FHIT: variants seen among roughly 807,000 people sequenced by gnomAD.
The protein encoded by FHIT is bis(5'-adenosyl)-triphosphatase.
A neutral mutation model predicts 17.9 loss-of-function variants in FHIT; 19 were observed. That is an observed-to-expected ratio of 1.06 (90% CI 0.74 to 1.56). FHIT has a LOEUF of 1.56. Ranked by LOEUF, FHIT falls within the 40% of genes most tolerant of loss-of-function variation. FHIT has a pLI of 0.00. For missense variants in FHIT, 248 were observed against 189.2 expected (o/e 1.31, Z -1.82); for synonymous variants, 81 against 69.7 (o/e 1.16, Z -0.81).
At chr3:60,478,098 A>G (rs1316877323) in intron 5 of FHIT, among the ~76,000 whole-genome samples, 1 of 152,238 alleles carries the variant, frequency 6.6e-6, no homozygotes, top group African/African-American at 2.4e-5. Context: ...CAGCATTGAC[A>G]TACTGATTGC....
intron 3 of FHIT, among the ~76,000 whole-genome samples, chr3:60,941,055 A>G (rs1553774403): frequency 6.6e-6 from 1 of 152,192 alleles, no homozygotes; most frequent in Non-Finnish European, 1.5e-5. Context: ...TAGATCCACA[A>G]CCTTATTTCA....
chr3:59,886,484 T>G (rs1007511462), intron 8 of FHIT, among the ~76,000 whole-genome samples: 1 of 152,216 alleles, frequency 6.6e-6, no homozygotes, highest in African/African-American at 2.4e-5. Context: ...AAGCCTGGTA[T>G]TGGCCTTGGC....
chr3:60,005,696 G>C (rs1575864561), intron 7 of FHIT, among the ~76,000 whole-genome samples: 1 of 152,130 alleles, frequency 6.6e-6, no homozygotes, highest in South Asian at 2.1e-4. Flanking sequence ...CTTCATGCAG[G>C]AAATACATGC....
At chr3:59,929,350 T>C (rs1194092911) in intron 7 of FHIT, among the ~76,000 whole-genome samples, 1 of 148,098 alleles carries the variant, frequency 6.8e-6, no homozygotes, top group African/African-American at 2.5e-5. Context: ...AATCTTCACG[T>C]ATTGTTTTTT....
At chr3:59,917,014 G>C (rs1427534734) in intron 8 of FHIT, among the ~76,000 whole-genome samples, 1 of 152,168 alleles carries the variant, frequency 6.6e-6, no homozygotes, top group Non-Finnish European at 1.5e-5. Context: ...AAGTCAACTA[G>C]GGACCCATGG....
chr3:60,017,123 T>C (rs897321233), intron 5 of FHIT, among the ~76,000 whole-genome samples: 5 of 152,220 alleles, frequency 3.3e-5, no homozygotes, highest in African/African-American at 1.2e-4. Context: ...CATTTTTGCC[T>C]AGCCTCTTAT....
intron 4 of FHIT, among the ~76,000 whole-genome samples, chr3:60,633,021 TAAG>T (rs1317819326): frequency 1.3e-5 from 2 of 152,198 alleles, no homozygotes; most frequent in Non-Finnish European, 2.9e-5. Context: ...TGGGAGAGTG[TAAG>T]AAGAACCATG....
At chr3:59,986,440 T>C (rs1263773318) in intron 7 of FHIT, among the ~76,000 whole-genome samples, 1 of 145,404 alleles carries the variant, frequency 6.9e-6, no homozygotes, top group African/African-American at 2.6e-5. Context: ...CACCCAGAAG[T>C]CTGTGATTGG....
chr3:60,113,059 T>C (rs1465711679), intron 5 of FHIT, among the ~76,000 whole-genome samples: 1 of 152,182 alleles, frequency 6.6e-6, no homozygotes, highest in Non-Finnish European at 1.5e-5. Context: ...TTCCTGACCA[T>C]CCAATCTCAA....
intron 8 of FHIT, among the ~76,000 whole-genome samples, chr3:59,791,726 G>A (rs554958546): frequency 3.7e-4 from 56 of 152,166 alleles, no homozygotes; most frequent in African/African-American, 1.2e-3. Flanking sequence ...TTAAAAAAAC[G>A]GTGCAATTCT....
intron 5 of FHIT, among the ~76,000 whole-genome samples, chr3:60,222,732 G>A (rs1005379154): frequency 6.6e-6 from 1 of 152,170 alleles, no homozygotes; most frequent in Non-Finnish European, 1.5e-5. Context: ...TTTGACTAAA[G>A]GAGGACAAGA....
At chr3:59,908,966 C>CA (rs1438439734) in intron 8 of FHIT, among the ~76,000 whole-genome samples, 1 of 151,900 alleles carries the variant, frequency 6.6e-6, no homozygotes, top group African/African-American at 2.4e-5. Context: ...CAAGACAAAA[C>CA]AAATGGGAAT....
chr3:60,572,735 G>A (rs1553656148), intron 4 of FHIT, among the ~76,000 whole-genome samples: 2 of 152,154 alleles, frequency 1.3e-5, no homozygotes, highest in African/African-American at 4.8e-5. Flanking sequence ...GGCTTTAGAT[G>A]GGAGACAGGG....
At chr3:60,580,026 A>C (rs182758859) in intron 4 of FHIT, among the ~76,000 whole-genome samples, 46 of 152,268 alleles carry the variant, frequency 3.0e-4, no homozygotes, top group Admixed American at 5.2e-4. Flanking sequence ...TTTCAGAGAT[A>C]CTAGGATGGT....
intron 2 of FHIT, among the ~76,000 whole-genome samples, chr3:61,085,143 A>C (rs1046705266): frequency 2.0e-5 from 3 of 152,224 alleles, no homozygotes; most frequent in African/African-American, 7.2e-5. Flanking sequence ...ATTTCTCCAC[A>C]AGTTTTCATT....
chr3:61,232,553 A>G (rs1476240405), intron 1 of FHIT, among the ~76,000 whole-genome samples: 1 of 152,202 alleles, frequency 6.6e-6, no homozygotes, highest in African/African-American at 2.4e-5. Flanking sequence ...AAACTCTCTC[A>G]TAATCAAAGA....
At chr3:60,119,358 C>T (rs1205237632) in intron 5 of FHIT, among the ~76,000 whole-genome samples, 2 of 150,746 alleles carry the variant, frequency 1.3e-5, no homozygotes, top group South Asian at 2.1e-4. Flanking sequence ...CAGGCATAAG[C>T]CATCATGCCC....
chr3:60,517,101 A>C (rs566376097), intron 5 of FHIT, among the ~76,000 whole-genome samples: 1 of 152,214 alleles, frequency 6.6e-6, no homozygotes, highest in African/African-American at 2.4e-5. Context: ...TTAAGCTGAC[A>C]AATTCCAAGG....
intron 5 of FHIT, among the ~76,000 whole-genome samples, chr3:60,081,140 G>C: frequency 6.6e-6 from 1 of 152,100 alleles, no homozygotes; most frequent in South Asian, 2.1e-4. Context: ...GTTTGGTGCA[G>C]GAATGTTCCC....
Sources: allele counts gnomAD v4.1 joint callset (sites outside exome capture counted in the v4.1 genomes callset), GRCh38; gene constraint gnomAD v4.1.1; transcripts MANE v1.5; gene names NCBI Gene and HGNC (gene_info 2026-07-23, HGNC 2026-07-21).